Variants in ADGRA2 observed in about 807,000 individuals in gnomAD.
The protein encoded by ADGRA2 is adhesion G protein-coupled receptor A2, also known as G-protein coupled receptor 124.
ADGRA2 carries 61 observed loss-of-function variants against 98.7 expected under a neutral mutation model. That is an observed-to-expected ratio of 0.62 (90% confidence interval 0.50 to 0.76). The LOEUF (loss-of-function observed/expected upper bound fraction) is 0.76. Ranked by LOEUF, ADGRA2 falls within the 30% of genes least tolerant of loss-of-function variation. ADGRA2 has a pLI of 0.00. For missense variants in ADGRA2, 1,712 were observed against 1,860.0 expected (o/e 0.92, Z 1.46); for synonymous variants, 858 against 831.5 (o/e 1.03, Z -0.55).
In ADGRA2 at chr8:37,841,502, G is replaced by T; in HGVS notation, c.3164G>T (p.Gly1055Val). ...LPRVVCSCLY[G>V]VAASALGLFV... ...CGGGTGGTGTGCAGCTGCTTGTACG[G>T]GGTGGCAGCCTCCGCCCTGGGCCTC... Residue 1055 changes from glycine to valine, a missense_variant, in exon 19 of 19, where the codon GGG (glycine) becomes GTG (valine). Gly to Val is a moderately radical substitution (Grantham distance 109). Coordinates refer to ENST00000412232, the MANE Select transcript of ADGRA2 (RefSeq NM_032777.10). The surrounding 1 kb of genome is among the most constrained non-coding windows in gnomAD (Gnocchi z 5.0). 13 of 1,612,940 alleles carry T rather than the reference G, an allele frequency of 8.1e-6. No individual in the cohort carries two copies. The highest frequency in any genetic ancestry group is 1.0e-5 in the Non-Finnish European group (12 of 1,179,850).
At position 37,842,115 on chromosome 8, in the gene ADGRA2, C is replaced by T. The variant is rs561986158; in HGVS notation, c.3777C>T (p.Ser1259=). The T allele has an allele frequency of 6.7e-7, 1 of 1,496,874 alleles. No individual in the cohort carries two copies. The highest frequency in any genetic ancestry group is 8.8e-7 in the Non-Finnish European group (1 of 1,131,598). 92.7% of individuals were successfully genotyped at this position (1,496,874 alleles called of 1,614,324 possible). The change falls in exon 19 of 19, where the codon AGC becomes AGT. Residue 1259 remains serine (S), a synonymous_variant. Coordinates refer to ENST00000412232, the MANE Select transcript of ADGRA2 (RefSeq NM_032777.10). ...MLTPSEGSDT[S]AAPLSEAGRA... ...CGCCGTCCGAGGGCAGCGACACCAG[C>T]GCCGCGCCGCTTTCTGAGGCGGGCC...
chr8:37,828,572 C>T (rs1017159202), intron 2 of ADGRA2, among the ~76,000 whole-genome samples: 11 of 150,710 alleles, frequency 7.3e-5, no homozygotes, highest in Admixed American at 2.0e-4. Flanking sequence ...CTGCAGCCTC[C>T]GCCTCCCGGG....
rs746777765 is a variant in ADGRA2 at position 37,838,947 on chromosome 8, CT to C, written c.2260-6del. 2.6e-6 allele frequency: 4 copies of C among 1,559,082 alleles called. No individual in the cohort carries two copies. The Admixed American group carries it at 7.7e-5, about 30-fold the overall frequency. Reference sequence around the variant, plus strand: ...CATTCCTCACGTCCTCCTTCCTGCCCTTTCCCAGGAGCTGAGCGCCTTTCCC... The same window carrying C: ...CATTCCTCACGTCCTCCTTCCTGCCCTTCCCAGGAGCTGAGCGCCTTTCCC... On this transcript the variant is annotated splice_polypyrimidine_tract_variant and splice_region_variant and intron_variant, in intron 14 of 18. Transcript: ENST00000412232.
Position 37,797,407 on chromosome 8 carries a change from T to C in ADGRA2, c.139T>C (p.Ser47Pro). ...CPLSIRSCKC[S>P]GERPKGLSGG... Reference sequence around the variant, plus strand: ...GCTATCCATCCGCAGCTGCAAGTGCTCGGGGGAGCGGCCCAAGGGGCTGAG... The same window carrying C: ...GCTATCCATCCGCAGCTGCAAGTGCCCGGGGGAGCGGCCCAAGGGGCTGAG... The change falls in exon 1 of 19, where the codon TCG (serine) becomes CCG (proline). Residue 47 changes from serine (S) to proline (P), a missense_variant. Coordinates refer to ENST00000412232, the MANE Select transcript of ADGRA2 (RefSeq NM_032777.10). This position sits in a 1 kb window ranked among gnomAD's most constrained non-coding sequence, Gnocchi z 5.3. The C allele has an allele frequency of 7.0e-7, 1 of 1,430,230 alleles. No individual in the cohort carries two copies. Among genetic ancestry groups the C allele is most frequent in the Non-Finnish European group, 9.2e-7 (1 of 1,090,370 alleles). 88.6% of individuals were successfully genotyped at this position (1,430,230 alleles called of 1,614,324 possible). A position where few individuals can be genotyped will look rare whatever the true frequency, so the allele number is the denominator to read the frequency against.
chr8:37,804,863 G>A lies in ADGRA2; in HGVS notation c.266+7329G>A, dbSNP rs563062776. On this transcript the variant is annotated intron_variant, in intron 1 of 18. Transcript: ENST00000412232. Reference sequence around the variant, plus strand: ...CCCCATAATGGCCTAACAAGTACAAGCGTACTCACGGGGTCCCTGTACATA... The same window carrying A: ...CCCCATAATGGCCTAACAAGTACAAACGTACTCACGGGGTCCCTGTACATA... 1.2e-4 allele frequency among the ~76,000 whole-genome samples: 18 copies of A among 152,366 alleles called. No individual in the cohort carries two copies. The East Asian group carries it at 3.5e-3, about 29-fold the overall frequency.
rs1283331251 is a variant in ADGRA2, at chr8:37,842,044, A to G, written c.3706A>G (p.Asn1236Asp). ...PTDSYLGSSR[N>D]SPGAGLQLEG... ...CGACAGCTACCTGGGCAGCAGCCGC[A>G]ACAGCCCGGGCGCCGGCCTGCAGCT... is the stretch of plus-strand genomic sequence containing the variant. The change falls in exon 19 of 19, where the codon AAC (asparagine) becomes GAC (aspartate). Residue 1236 changes from asparagine (N) to aspartate (D), a missense_variant. By Grantham distance (23) the Asn-to-Asp change is conservative (BLOSUM62 1). Transcript: ENST00000412232. 6.6e-7 allele frequency: 1 copy of G among 1,519,130 alleles called. No homozygotes were observed. Among genetic ancestry groups the G allele is most frequent in the South Asian group, 1.2e-5 (1 of 82,254 alleles). The allele number at this position is 1,519,130 out of a possible 1,614,324, so 94.1% of individuals were successfully genotyped here.
At position 37,802,454 on chromosome 8, in the gene ADGRA2, G is replaced by A. The variant is rs1804536721; in HGVS notation, c.266+4920G>A. Among the ~76,000 whole-genome samples, 1 of 152,144 alleles carries A rather than the reference G, an allele frequency of 6.6e-6. No individual in the cohort carries two copies. The highest frequency in any genetic ancestry group is 1.5e-5 in the Non-Finnish European group (1 of 68,008). On this transcript the variant is annotated intron_variant, in intron 1 of 18. Transcript: ENST00000412232. This position sits in a 1 kb window ranked among gnomAD's most constrained non-coding sequence, Gnocchi z 4.7. ...GAGAGAAGAGGGGGAGGGGGAAAGA[G>A]CAAAGAAAAAGAAGGAAAGAAGAGA...
rs746102879 is a variant in ADGRA2 at position 37,844,521 on chromosome 8, T to C, written c.*2166T>C. 69 of 1,613,498 alleles carry C rather than the reference T, an allele frequency of 4.3e-5. No individual in the cohort carries two copies. The highest frequency in any genetic ancestry group is 5.4e-5 in the Non-Finnish European group (64 of 1,180,020). On this transcript the variant is annotated 3_prime_UTR_variant, in exon 19 of 19. Coordinates refer to ENST00000412232, the MANE Select transcript of ADGRA2 (RefSeq NM_032777.10). Reference sequence around the variant, plus strand: ...AGGGTTAGGGACACTCGTGGCAGCCTGTCTAGCAGCCTGGGCTCTCTGAAA... The same window carrying C: ...AGGGTTAGGGACACTCGTGGCAGCCCGTCTAGCAGCCTGGGCTCTCTGAAA...
intron 8 of ADGRA2, among the ~76,000 whole-genome samples, chr8:37,832,596 C>G (rs1805489426): frequency 6.6e-6 from 1 of 152,154 alleles, no homozygotes; most frequent in Admixed American, 6.5e-5. Flanking sequence ...CACAAAAAGG[C>G]TTTTATTTGC....
rs1804531854 is a variant in ADGRA2, at chr8:37,802,294, T to C, written c.266+4760T>C. ...ACATGGCCCGAGGGCAGGACAAGGA[T>C]GCTGGTGGAGGGGCGGGCCCAGGCC... is the stretch of plus-strand genomic sequence containing the variant. On this transcript the variant is annotated intron_variant, in intron 1 of 18. Coordinates refer to ENST00000412232, the MANE Select transcript of ADGRA2 (RefSeq NM_032777.10). This position sits in a 1 kb window ranked among gnomAD's most constrained non-coding sequence, Gnocchi z 4.7. 6.6e-6 allele frequency among the ~76,000 whole-genome samples: 1 copy of C among 152,004 alleles called. No individual in the cohort carries two copies. Among genetic ancestry groups the C allele is most frequent in the African/African-American group, 2.4e-5 (1 of 41,396 alleles).
rs531575830 is a variant in ADGRA2 at position 37,799,527 on chromosome 8, G to T, written c.266+1993G>T. ...TAACATATCAAAGGCAGAAGGAAGT[G>T]GGGGAGGCGGTAGATAGAAAGGCAG... On this transcript the variant is annotated intron_variant, in intron 1 of 18. Coordinates refer to ENST00000412232, the MANE Select transcript of ADGRA2 (RefSeq NM_032777.10). 2.6e-5 allele frequency among the ~76,000 whole-genome samples: 4 copies of T among 152,320 alleles called. No homozygotes were observed. The East Asian group carries it at 5.8e-4, about 22-fold the overall frequency.
chr8:37,814,783 C>T lies in ADGRA2; in HGVS notation c.267-113C>T. 1.3e-6 allele frequency: 1 copy of T among 769,988 alleles called. No homozygotes were observed. The highest frequency in any genetic ancestry group is 1.5e-5 in the South Asian group (1 of 66,486). 47.7% of individuals were successfully genotyped at this position (769,988 alleles called of 1,614,324 possible). A position where few individuals can be genotyped will look rare whatever the true frequency, so the allele number is the denominator to read the frequency against. Reference sequence around the variant, plus strand: ...AGAGGGTGGGGGCTGCTGCCTCGCACAACTCCAGGGGGCGCCATTGACAAA... The same window carrying T: ...AGAGGGTGGGGGCTGCTGCCTCGCATAACTCCAGGGGGCGCCATTGACAAA... On this transcript the variant is annotated intron_variant, in intron 1 of 18. Transcript: ENST00000412232. This position sits in a 1 kb window ranked among gnomAD's most constrained non-coding sequence, Gnocchi z 4.3.
intron 1 of ADGRA2, among the ~76,000 whole-genome samples, chr8:37,800,966 A>G (rs1585961086): frequency 6.6e-6 from 1 of 152,058 alleles, no homozygotes; most frequent in East Asian, 1.9e-4. Context: ...TTTTCCTCCA[A>G]GATGGGGCCC....
chr8:37,833,171 C>A lies in ADGRA2; in HGVS notation c.1259C>A (p.Thr420Asn). Residue 420 changes from threonine (T) to asparagine (N), a missense_variant, in exon 9 of 19, where the codon ACC (threonine) becomes AAC (asparagine). By Grantham distance (65) the Thr-to-Asn change is moderately conservative. Coordinates refer to ENST00000412232, the MANE Select transcript of ADGRA2 (RefSeq NM_032777.10). ...EPGDYSHCLY[T>N]NDITRVLYTF... ...GGGGACTACTCCCACTGTCTCTACA[C>A]CAACGACATCACCAGGGTGCTGTAC... The A allele has an allele frequency of 6.2e-7, 1 of 1,613,072 alleles. No homozygotes were observed. Among genetic ancestry groups the A allele is most frequent in the Non-Finnish European group, 8.5e-7 (1 of 1,179,768 alleles).
intron 16 of ADGRA2, among the ~76,000 whole-genome samples, 193 bp from the exon 17 acceptor site, chr8:37,839,928 G>A (rs1805740002): frequency 6.6e-6 from 1 of 152,204 alleles, no homozygotes; most frequent in South Asian, 2.1e-4. Context: ...TGCAATGGGA[G>A]AGAACCCTGG....
chr8:37,840,796 C>G lies in ADGRA2; in HGVS notation c.2694C>G (p.Ile898Met). Residue 898 changes from isoleucine to methionine, a missense_variant, in exon 18 of 19, where the codon ATC (isoleucine) becomes ATG (methionine). Physicochemically the swap from Ile to Met is conservative, Grantham distance 10 (BLOSUM62 1). Transcript: ENST00000412232. ...YLIAGGIPLI[I>M]CGITAAVNIH... Reference sequence around the variant, plus strand: ...TCGCTGGAGGGATTCCACTCATTATCTGTGGCATCACAGCTGCAGTCAACA... The same window carrying G: ...TCGCTGGAGGGATTCCACTCATTATGTGTGGCATCACAGCTGCAGTCAACA... 6.2e-7 allele frequency: 1 copy of G among 1,609,086 alleles called. No homozygotes were observed. Among genetic ancestry groups the G allele is most frequent in the Non-Finnish European group, 8.5e-7 (1 of 1,175,854 alleles).
At chr8:37,809,138 T>G (rs1238852387) in intron 1 of ADGRA2, among the ~76,000 whole-genome samples, 7 of 152,154 alleles carry the variant, frequency 4.6e-5, no homozygotes, top group Non-Finnish European at 1.0e-4. Flanking sequence ...AAAAACATTT[T>G]TTTTTTAATT....
rs914832567 is a variant in ADGRA2, at chr8:37,830,155, G to A, written c.718+141G>A. 1.3e-5 allele frequency: 7 copies of A among 550,180 alleles called. No individual in the cohort carries two copies. Among genetic ancestry groups the A allele is most frequent in the Non-Finnish European group, 2.2e-5 (7 of 315,738 alleles). 34.1% of individuals were successfully genotyped at this position (550,180 alleles called of 1,614,324 possible). A position where few individuals can be genotyped will look rare whatever the true frequency, so the allele number is the denominator to read the frequency against. On this transcript the variant is annotated intron_variant, in intron 6 of 18. Transcript: ENST00000412232. This position sits in a 1 kb window ranked among gnomAD's most constrained non-coding sequence, Gnocchi z 4.8. ...GCAAAAGACCACGACACTGAGTCCT[G>A]CTCTTGCATTTAGGGAGACCTTATC... is the stretch of plus-strand genomic sequence containing the variant.
chr8:37,813,235 A>G (rs900415082), intron 1 of ADGRA2, among the ~76,000 whole-genome samples: 8 of 151,934 alleles, frequency 5.3e-5, no homozygotes, highest in Non-Finnish European at 7.4e-5. Flanking sequence ...CTCTAAAAAA[A>G]TTTTTTTTAA....
Sources: gnomAD v4.1 joint callset for allele counts (sites outside exome capture counted in the v4.1 genomes callset) on GRCh38, gnomAD v4.1.1 for gene constraint, Gnocchi (gnomAD v3.1) non-coding constraint, MANE v1.5 for transcripts, NCBI Gene and HGNC (gene_info 2026-07-23, HGNC 2026-07-21) for gene names.